Variants in UHRF2 observed in about 807,000 individuals in gnomAD.
UHRF2 encodes ubiquitin like with PHD and ring finger domains 2, also known as E3 ubiquitin-protein ligase UHRF2.
In UHRF2, 23 loss-of-function variants were observed where a neutral mutation model predicts 96.8. That is an observed-to-expected ratio of 0.24 (90% CI 0.17 to 0.34). UHRF2 has a LOEUF of 0.34. UHRF2 is among the 10% of genes least tolerant of loss of function. UHRF2 has a pLI of 1.00. For synonymous variants in UHRF2, 385 were observed against 332.6 expected, an observed-to-expected ratio of 1.16 and a Z score of -1.72; for missense variants, 685 against 981.5, an observed-to-expected ratio of 0.70 and a Z score of 4.04.
chr9:6,458,231 G>C (rs997892458), intron 3 of UHRF2, among the ~76,000 whole-genome samples: 4 of 152,100 alleles, frequency 2.6e-5, no homozygotes, highest in African/African-American at 9.7e-5. Context: ...GTTTCGTCTT[G>C]GGAGGGTGTA....
intron 5 of UHRF2, among the ~76,000 whole-genome samples, chr9:6,477,377 T>C (rs1013624893): frequency 1.3e-5 from 2 of 151,566 alleles, no homozygotes; most frequent in Non-Finnish European, 1.5e-5. Flanking sequence ...AATAAAAAAA[T>C]TAGCCAGGCG....
intron 5 of UHRF2, among the ~76,000 whole-genome samples, chr9:6,476,244 G>T (rs1823563905): frequency 6.6e-6 from 1 of 152,022 alleles, no homozygotes; most frequent in Non-Finnish European, 1.5e-5. Flanking sequence ...ATATTTTATT[G>T]TATATGTATA....
intron 2 of UHRF2, among the ~76,000 whole-genome samples, chr9:6,428,485 A>AATTTTCTG (rs1820380326): frequency 7.1e-6 from 1 of 140,302 alleles, no homozygotes. Context: ...CCTAATCCCT[A>AATTTTCTG]ATTTTCTGGT....
Position 6,413,589 on chromosome 9 carries a change from G to T in UHRF2, c.99G>T (p.Trp33Cys). 6.2e-7 allele frequency: 1 copy of T among 1,602,418 alleles called. No individual in the cohort carries two copies. Among genetic ancestry groups the T allele is most frequent in the South Asian group, 1.1e-5 (1 of 89,648 alleles). Residue 33 changes from tryptophan (W) to cysteine (C), a missense_variant, in exon 1 of 16, where the codon TGG (tryptophan) becomes TGT (cysteine). Around this residue, in one of 6 missense-constraint regions of UHRF2, gnomAD observed 13 missense variants for 37.3 expected, o/e 0.35. Coordinates refer to ENST00000276893, the MANE Select transcript of UHRF2 (RefSeq NM_152896.3). ...ATIEELRERV[W>C]ALFDVRPECQ... ...TTGAGGAGCTGCGCGAGCGGGTGTG[G>T]GCGCTGTTCGACGTGCGGCCCGAAT... is the stretch of plus-strand genomic sequence containing the variant.
chr9:6,465,358 C>G (rs1164305260), intron 4 of UHRF2, among the ~76,000 whole-genome samples: 1 of 152,060 alleles, frequency 6.6e-6, no homozygotes, highest in Non-Finnish European at 1.5e-5. Flanking sequence ...TCTTCTTTTT[C>G]TTTCTTACGG....
rs549324298 is a variant in UHRF2 at position 6,431,179 on chromosome 9, A to T, written c.385-2735A>T. Among the ~76,000 whole-genome samples the T allele has an allele frequency of 1.1e-4, 17 of 152,236 alleles. No homozygotes were observed. The South Asian group carries it at 3.5e-3, about 32-fold the overall frequency. On this transcript the variant is annotated intron_variant, in intron 2 of 15. Transcript: ENST00000276893. ...TCTTGGCCTATTCAAATTTTGCTTG[A>T]CTTAGTATGTCTATCCAATGTGCAG...
rs558682318 is a variant in UHRF2, at chr9:6,483,230, C to T, written c.1392+1131C>T. Among the ~76,000 whole-genome samples, 303 of 148,168 alleles carry T rather than the reference C, an allele frequency of 2.0e-3. 1 individual carries two copies. Among genetic ancestry groups the T allele is most frequent in the African/African-American group, 7.3e-3 (290 of 39,850 alleles). On this transcript the variant is annotated intron_variant, in intron 8 of 15. Coordinates refer to ENST00000276893, the MANE Select transcript of UHRF2 (RefSeq NM_152896.3). ...ATACCAGCTACTCAGGAGGCTGAGGCAGGGGAATTGCTTGAACCCAGGAGG... is the reference window on the plus strand; with the variant it reads ...ATACCAGCTACTCAGGAGGCTGAGGTAGGGGAATTGCTTGAACCCAGGAGG...
chr9:6,502,363 C>G (rs1186727535), intron 14 of UHRF2, among the ~76,000 whole-genome samples: 1 of 152,090 alleles, frequency 6.6e-6, no homozygotes, highest in African/African-American at 2.4e-5. Flanking sequence ...TTTCATGTGT[C>G]TCACTCTTTC....
chr9:6,446,535 C>T (rs539582624), intron 3 of UHRF2, among the ~76,000 whole-genome samples: 1 of 152,144 alleles, frequency 6.6e-6, no homozygotes, highest in African/African-American at 2.4e-5. Context: ...TCTGCCTCAG[C>T]CCCGGTCTAC....
intron 4 of UHRF2, among the ~76,000 whole-genome samples, chr9:6,470,327 C>G (rs1023539610): frequency 6.7e-6 from 1 of 148,830 alleles, no homozygotes; most frequent in Non-Finnish European, 1.5e-5. Context: ...GAGCTGAGAT[C>G]GTGCCTAGGT....
At chr9:6,415,141 G>A (rs1819517495) in intron 1 of UHRF2, 1 of 152,122 alleles carries the variant, frequency 6.6e-6, no homozygotes, top group African/African-American at 2.4e-5. Context: ...GGATGTTCTT[G>A]GGCAACACTC....
In UHRF2 at chr9:6,421,047, C is replaced by T. The variant is rs1819902417; in HGVS notation, c.289C>T (p.Pro97Ser). ...GGCTAAACCCTGTTCTAATAGTCCA[C>T]CTAAAGTAAAGAAAGCTCCGAGGGT... ...IEAKPCSNSP[P>S]KVKKAPRVGP... The change falls in exon 2 of 16, where the codon CCT (proline) becomes TCT (serine). Residue 97 changes from proline (P) to serine (S), a missense_variant. Around this residue, in one of 6 missense-constraint regions of UHRF2, gnomAD observed 391 missense variants for 437.0 expected, o/e 0.89. Coordinates refer to ENST00000276893, the MANE Select transcript of UHRF2 (RefSeq NM_152896.3). 2 of 1,614,148 alleles carry T rather than the reference C, an allele frequency of 1.2e-6. No individual in the cohort carries two copies. The highest frequency in any genetic ancestry group is 3.3e-5 in the Admixed American group (2 of 60,014).
chr9:6,484,426 C>T (rs1447927978), intron 8 of UHRF2, among the ~76,000 whole-genome samples: 1 of 148,382 alleles, frequency 6.7e-6, no homozygotes, highest in Non-Finnish European at 1.5e-5. Flanking sequence ...TCCCTCCTCC[C>T]TCCTGTCTCT....
In UHRF2 at chr9:6,430,671, C is replaced by G. The variant is rs563723743; in HGVS notation, c.385-3243C>G. Among the ~76,000 whole-genome samples, 3 of 152,248 alleles carry G rather than the reference C, an allele frequency of 2.0e-5. No homozygotes were observed. The South Asian group carries it at 6.2e-4, about 32-fold the overall frequency. Reference sequence around the variant, plus strand: ...TGATCACCCACAGCCAGGTACCAAACAACTAGAGGCCACCCCTACAATCCA... The same window carrying G: ...TGATCACCCACAGCCAGGTACCAAAGAACTAGAGGCCACCCCTACAATCCA... On this transcript the variant is annotated intron_variant, in intron 2 of 15. Coordinates refer to ENST00000276893, the MANE Select transcript of UHRF2 (RefSeq NM_152896.3).
At chr9:6,421,406 C>G (rs936579895) in intron 2 of UHRF2, among the ~76,000 whole-genome samples, 1 of 151,958 alleles carries the variant, frequency 6.6e-6, no homozygotes, top group Non-Finnish European at 1.5e-5. Flanking sequence ...ATTTAAAATA[C>G]TTTTTGTTTG....
intron 3 of UHRF2, among the ~76,000 whole-genome samples, chr9:6,440,085 C>A (rs1257370305): frequency 6.6e-6 from 1 of 152,148 alleles, no homozygotes; most frequent in African/African-American, 2.4e-5. Context: ...TTAAGATTAA[C>A]ATTTTTAAGG....
chr9:6,489,838 C>T (rs1479335577), intron 9 of UHRF2, among the ~76,000 whole-genome samples: 1 of 150,262 alleles, frequency 6.7e-6, no homozygotes, highest in African/African-American at 2.5e-5. Flanking sequence ...GGAGAGAGAA[C>T]ACAAAATATA....
intron 3 of UHRF2, 118 bp downstream of exon 3, chr9:6,434,291 AT>A: frequency 1.5e-6 from 2 of 1,303,998 alleles, no homozygotes; most frequent in Non-Finnish European, 2.0e-6. Flanking sequence ...GGTTATGTTC[AT>A]TTGTTACTTT....
chr9:6,436,865 A>G (rs1488551136), intron 3 of UHRF2, among the ~76,000 whole-genome samples: 1 of 152,210 alleles, frequency 6.6e-6, no homozygotes, highest in Non-Finnish European at 1.5e-5. Context: ...ATTTTACGTG[A>G]TGGAATTAAA....
Sources: allele counts gnomAD v4.1 joint callset (sites outside exome capture counted in the v4.1 genomes callset), GRCh38; gene constraint gnomAD v4.1.1; regional missense constraint gnomAD v4.1.1; transcripts MANE v1.5; gene names NCBI Gene and HGNC (gene_info 2026-07-23, HGNC 2026-07-21).